Variants in TBC1D32 observed in about 807,000 individuals in gnomAD.
TBC1D32 encodes TBC1 domain family member 32, also known as protein broad-minded.
A neutral mutation model predicts 170.3 loss-of-function variants in TBC1D32; 151 were observed. The observed-to-expected ratio is 0.89, with a 90% confidence interval of 0.78 to 1.01. TBC1D32 has a LOEUF of 1.01. Among genes scored for constraint, TBC1D32 ranks in the 50% least tolerant of loss-of-function variants. The pLI is 0.00. For missense variants in TBC1D32, 1,464 were observed against 1,457.1 expected (o/e 1.00, Z -0.08); for synonymous variants, 498 against 488.0 (o/e 1.02, Z -0.27).
At chr6:121,126,821 T>TTAG (rs1780910633) in intron 25 of TBC1D32, among the ~76,000 whole-genome samples, 1 of 152,054 alleles carries the variant, frequency 6.6e-6, no homozygotes, top group Non-Finnish European at 1.5e-5. Context: ...AAAAAAAGTA[T>TTAG]TAGTGGGTTC....
chr6:121,263,199 T>C (rs1799992903), intron 15 of TBC1D32, among the ~76,000 whole-genome samples: 1 of 149,276 alleles, frequency 6.7e-6, no homozygotes, highest in Admixed American at 6.9e-5. Flanking sequence ...CATATGCAAA[T>C]ATACACATAG....
intron 14 of TBC1D32, among the ~76,000 whole-genome samples, chr6:121,280,414 T>A (rs1267915187): frequency 6.6e-6 from 1 of 151,806 alleles, no homozygotes; most frequent in Non-Finnish European, 1.5e-5. Context: ...TGATGCTGGA[T>A]GTCTTAAACT....
intron 22 of TBC1D32, among the ~76,000 whole-genome samples, chr6:121,177,334 G>A (rs1003405490): frequency 2.0e-5 from 3 of 152,104 alleles, no homozygotes; most frequent in African/African-American, 7.2e-5. Context: ...TTAAAAGTCT[G>A]TAGCATCTTC....
At chr6:121,306,612 C>T (rs1042836507) in intron 5 of TBC1D32, among the ~76,000 whole-genome samples, 4 of 152,090 alleles carry the variant, frequency 2.6e-5, no homozygotes, top group African/African-American at 7.2e-5. Context: ...AAGAAAAGAT[C>T]CTCTATAAGG....
intron 21 of TBC1D32, among the ~76,000 whole-genome samples, chr6:121,211,222 A>G (rs1793009298): frequency 6.6e-6 from 1 of 152,178 alleles, no homozygotes; most frequent in Admixed American, 6.5e-5. Flanking sequence ...CATCTCCAAG[A>G]TAAGTAACAG....
intron 22 of TBC1D32, among the ~76,000 whole-genome samples, chr6:121,190,410 A>C: frequency 2.1e-5 from 2 of 95,092 alleles, no homozygotes; most frequent in African/African-American, 4.3e-5. Flanking sequence ...CCCCACACAC[A>C]TCCACTCTCT....
intron 21 of TBC1D32, among the ~76,000 whole-genome samples, chr6:121,207,501 A>C (rs567325719): frequency 8.7e-4 from 133 of 152,340 alleles, no homozygotes; most frequent in Non-Finnish European, 1.5e-3. Flanking sequence ...TATGGCAAAT[A>C]ATTTTTTCAA....
chr6:121,195,857 T>C (rs1790660438), intron 22 of TBC1D32, among the ~76,000 whole-genome samples: 1 of 152,172 alleles, frequency 6.6e-6, no homozygotes, highest in African/African-American at 2.4e-5. Flanking sequence ...ATCTTCCCAG[T>C]GGGCAGAACT....
intron 15 of TBC1D32, among the ~76,000 whole-genome samples, chr6:121,260,997 G>A (rs1031603979): frequency 5.9e-5 from 9 of 152,276 alleles, no homozygotes; most frequent in East Asian, 3.9e-4. Flanking sequence ...TCCCCACAGC[G>A]CAGCACACCA....
chr6:121,112,765 A>G, intron 28 of TBC1D32, 106 bp from the exon 29 acceptor site: 1 of 1,040,700 alleles, frequency 9.6e-7, no homozygotes, highest in Non-Finnish European at 1.3e-6. Flanking sequence ...AGACATTCTT[A>G]TTCTGAATTT....
intron 22 of TBC1D32, among the ~76,000 whole-genome samples, chr6:121,198,370 A>G (rs1791101918): frequency 6.7e-6 from 1 of 149,438 alleles, no homozygotes; most frequent in Non-Finnish European, 1.5e-5. Flanking sequence ...TGGAGCTTGC[A>G]TGATACACAG....
chr6:121,177,863 G>A (rs188262500), intron 22 of TBC1D32, among the ~76,000 whole-genome samples: 1 of 152,182 alleles, frequency 6.6e-6, no homozygotes, highest in African/African-American at 2.4e-5. Flanking sequence ...TTCAGATAAG[G>A]ATACTCAACT....
intron 24 of TBC1D32, among the ~76,000 whole-genome samples, chr6:121,151,994 T>C (rs1015555980): frequency 2.0e-5 from 3 of 152,092 alleles, no homozygotes; most frequent in Admixed American, 2.0e-4. Flanking sequence ...GCATTTAGCT[T>C]GTTTACAGTT....
At chr6:121,298,531 A>G (rs1280253791) in intron 10 of TBC1D32, among the ~76,000 whole-genome samples, 3 of 152,110 alleles carry the variant, frequency 2.0e-5, no homozygotes, top group Non-Finnish European at 2.9e-5. Context: ...AAGCAACAAC[A>G]AATTTTTATT....
rs1254519873 is a variant in TBC1D32, at chr6:121,112,576, A to G, written c.3253T>C (p.Phe1085Leu). Residue 1085 changes from phenylalanine to leucine, a missense_variant, in exon 29 of 32, where the codon TTC (phenylalanine) becomes CTC (leucine). By Grantham distance (22) the Phe-to-Leu change is conservative (BLOSUM62 0). Coordinates refer to ENST00000398212, the MANE Select transcript of TBC1D32 (RefSeq NM_152730.6). ...CTGGAGAATTGATGAAGAAATTGGA[A>G]TGTTTTTTCTTTGTCTCCCAACATT... ...MIMLGDKEKT[F>L]QFLHQFSRLL... 14 of 1,611,210 alleles carry G rather than the reference A, an allele frequency of 8.7e-6. No homozygotes were observed. The highest frequency in any genetic ancestry group is 1.0e-5 in the Non-Finnish European group (12 of 1,178,328).
In TBC1D32 at chr6:121,230,877, G is replaced by C. The variant is rs146669630; in HGVS notation, c.2365-7525C>G. Among the ~76,000 whole-genome samples, 437 of 151,930 alleles carry C rather than the reference G, an allele frequency of 2.9e-3. 1 individual carries two copies. The highest frequency in any genetic ancestry group is 9.7e-3 in the African/African-American group (402 of 41,420). ...CTTAGTAGTGATTGCTGAGACTCTG[G>C]TGCACCCATCACCTGAGTAGTGTAC... On this transcript the variant is annotated intron_variant, in intron 20 of 31. Transcript: ENST00000398212.
intron 13 of TBC1D32, among the ~76,000 whole-genome samples, chr6:121,283,042 T>C (rs1167996069): frequency 6.6e-6 from 1 of 151,844 alleles, no homozygotes; most frequent in African/African-American, 2.4e-5. Context: ...GATTTGGGCT[T>C]CTGGTGTACC....
At chr6:121,221,061 T>C (rs1466959879) in intron 21 of TBC1D32, among the ~76,000 whole-genome samples, 1 of 152,182 alleles carries the variant, frequency 6.6e-6, no homozygotes, top group East Asian at 1.9e-4. Flanking sequence ...AGGCGAACTC[T>C]CTTCTTAAGA....
chr6:121,119,388 A>C (rs1780028891), intron 26 of TBC1D32, among the ~76,000 whole-genome samples: 1 of 152,196 alleles, frequency 6.6e-6, no homozygotes, highest in South Asian at 2.1e-4. Context: ...GTAAGATAGA[A>C]GAGAGCATTT....
Sources: gnomAD v4.1 joint callset for allele counts (sites outside exome capture counted in the v4.1 genomes callset) on GRCh38, gnomAD v4.1.1 for gene constraint, MANE v1.5 for transcripts, NCBI Gene and HGNC (gene_info 2026-07-23, HGNC 2026-07-21) for gene names.